Variants in ATP9B observed in about 807,000 individuals in gnomAD.
ATP9B encodes ATPase phospholipid transporting 9B, also known as probable phospholipid-transporting ATPase IIB.
ATP9B carries 110 observed loss-of-function variants against 146.1 expected under a neutral mutation model. The observed-to-expected ratio is 0.75, with a 90% CI of 0.65 to 0.88. ATP9B has a LOEUF of 0.88. ATP9B is among the 40% of genes least tolerant of loss of function. The pLI is 0.00. For synonymous variants in ATP9B, 604 were observed against 569.7 expected (o/e 1.06, Z -0.86); for missense variants, 1,499 against 1,496.4 (o/e 1.00, Z -0.03).
intron 15 of ATP9B, among the ~76,000 whole-genome samples, chr18:79,312,990 G>A (rs2096661091): frequency 6.6e-6 from 1 of 152,186 alleles, no homozygotes; most frequent in Non-Finnish European, 1.5e-5. Context: ...TTGAGGAAAT[G>A]TGGAAACCCA....
intron 11 of ATP9B, among the ~76,000 whole-genome samples, chr18:79,223,374 A>C (rs1403704935): frequency 6.6e-6 from 1 of 152,188 alleles, no homozygotes; most frequent in Admixed American, 6.5e-5. Context: ...CAATCATAGA[A>C]TGCCTTAATT....
chr18:79,149,439 T>C (rs1306549442), intron 6 of ATP9B, among the ~76,000 whole-genome samples: 3 of 151,764 alleles, frequency 2.0e-5, no homozygotes, highest in East Asian at 1.9e-4. Flanking sequence ...AAAAAGATCA[T>C]GGACTTAATG....
chr18:79,234,655 G>A (rs1057194957), intron 11 of ATP9B, among the ~76,000 whole-genome samples: 25 of 147,460 alleles, frequency 1.7e-4, no homozygotes, highest in African/African-American at 5.7e-4. Context: ...GGCGTGCTTC[G>A]TGTGGGTGTG....
chr18:79,254,965 G>C (rs1010676396), intron 12 of ATP9B: 1 of 74,920 alleles, frequency 1.3e-5, no homozygotes, highest in African/African-American at 5.4e-5. Flanking sequence ...CATCTTGTTT[G>C]TTGCCTGTTT....
intron 4 of ATP9B, among the ~76,000 whole-genome samples, chr18:79,114,083 A>C (rs936283194): frequency 2.6e-5 from 4 of 152,020 alleles, no homozygotes; most frequent in African/African-American, 9.7e-5. Flanking sequence ...CAGTTCTCCT[A>C]CCTCAGCCTC....
At chr18:79,105,263 G>A (rs1325420597) in intron 2 of ATP9B, among the ~76,000 whole-genome samples, 1 of 152,132 alleles carries the variant, frequency 6.6e-6, no homozygotes, top group African/African-American at 2.4e-5. Flanking sequence ...CAAATACCAG[G>A]CATTATAAAA....
chr18:79,342,833 T>C (rs1043204043), intron 20 of ATP9B, among the ~76,000 whole-genome samples: 16 of 152,222 alleles, frequency 1.1e-4, no homozygotes. Context: ...TTATACGTGT[T>C]ACATGTTGTC....
intron 11 of ATP9B, among the ~76,000 whole-genome samples, chr18:79,245,550 A>T (rs866483442): frequency 1.9e-4 from 16 of 85,946 alleles, no homozygotes; most frequent in Non-Finnish European, 2.4e-4. Context: ...CTACTGACTG[A>T]GGAGGGCACC....
At chr18:79,207,087 C>A in intron 10 of ATP9B, 75 bp downstream of exon 10, 1 of 1,423,926 alleles carries the variant, frequency 7.0e-7, no homozygotes, top group South Asian at 1.2e-5. Context: ...GGACTCCAAA[C>A]AAGGGTTTCT....
chr18:79,282,219 T>C (rs114156786), intron 13 of ATP9B, among the ~76,000 whole-genome samples: 3,689 of 152,302 alleles, frequency 0.024, 121 homozygotes, highest in African/African-American at 0.077. Flanking sequence ...ATGCTATGAA[T>C]GTTGTTGAAG....
At chr18:79,222,065 A>C (rs2095685620) in intron 11 of ATP9B, among the ~76,000 whole-genome samples, 1 of 152,120 alleles carries the variant, frequency 6.6e-6, no homozygotes, top group Non-Finnish European at 1.5e-5. Context: ...TACAGGTACC[A>C]TGCTGCATTA....
In ATP9B at chr18:79,104,961, GTCTT is replaced by G. The variant is rs545579351; in HGVS notation, c.294-5392_294-5389del. Among the ~76,000 whole-genome samples the G allele has an allele frequency of 1.4e-3, 217 of 152,168 alleles. 2 individuals carry two copies. Among genetic ancestry groups the G allele is most frequent in the African/African-American group, 4.9e-3 (204 of 41,510 alleles). On this transcript the variant is annotated intron_variant, in intron 2 of 29. Coordinates refer to ENST00000426216, the MANE Select transcript of ATP9B (RefSeq NM_198531.5). The stretch of plus-strand genomic sequence containing the variant: ...TCTTTCTATGTTGTCTAGGCTGAAA[GTCTT>G]TATTTTAATAAATTGTGATCATGTG...
intron 17 of ATP9B, among the ~76,000 whole-genome samples, chr18:79,335,734 A>G (rs1350766489): frequency 6.6e-6 from 1 of 152,196 alleles, no homozygotes; most frequent in African/African-American, 2.4e-5. Flanking sequence ...GCTGCCCTGC[A>G]AGGCCAGTTA....
chr18:79,289,177 G>A (rs1440034963), intron 13 of ATP9B, among the ~76,000 whole-genome samples: 2 of 152,238 alleles, frequency 1.3e-5, no homozygotes, highest in South Asian at 4.1e-4. Context: ...GCTAGATTGG[G>A]GAGGTTCTCC....
chr18:79,308,246 G>A (rs1051805149), intron 15 of ATP9B, among the ~76,000 whole-genome samples: 11 of 152,058 alleles, frequency 7.2e-5, no homozygotes, highest in African/African-American at 2.7e-4. Flanking sequence ...ATTGGAACAG[G>A]GTGCAGCCAC....
At chr18:79,242,085 C>G (rs1488887064) in intron 11 of ATP9B, among the ~76,000 whole-genome samples, 3 of 152,114 alleles carry the variant, frequency 2.0e-5, no homozygotes, top group Non-Finnish European at 2.9e-5. Context: ...TATTTTAATG[C>G]CTGAGGTATG....
chr18:79,193,858 T>C (rs1009620715), intron 9 of ATP9B, among the ~76,000 whole-genome samples: 1 of 152,272 alleles, frequency 6.6e-6, no homozygotes, highest in Non-Finnish European at 1.5e-5. Flanking sequence ...GCTGCAGTTA[T>C]TTTAAAAATA....
At chr18:79,344,171 A>T in intron 20 of ATP9B, 94 bp from the exon 21 acceptor site, 1 of 1,166,402 alleles carries the variant, frequency 8.6e-7, no homozygotes, top group South Asian at 1.3e-5. Context: ...ACCCCAGAAC[A>T]TTCCACTGTG....
In ATP9B at chr18:79,337,267, C is replaced by T. The variant is rs2096832990; in HGVS notation, c.2113-12C>T. ...CACGTGTGCACACAGGCGCCTCCCC[C>T]TCTGTCCCCAGAGCCGATACACTCA... On this transcript the variant is annotated splice_polypyrimidine_tract_variant and intron_variant, in intron 18 of 29. Transcript: ENST00000426216. 1 of 1,613,676 alleles carries T rather than the reference C, an allele frequency of 6.2e-7. No individual in the cohort carries two copies. The highest frequency in any genetic ancestry group is 8.5e-7 in the Non-Finnish European group (1 of 1,179,888).
Sources: allele counts gnomAD v4.1 joint callset (sites outside exome capture counted in the v4.1 genomes callset), GRCh38; gene constraint gnomAD v4.1.1; transcripts MANE v1.5; gene names NCBI Gene and HGNC (gene_info 2026-07-23, HGNC 2026-07-21).